Variants in LRP1B observed in about 807,000 individuals in gnomAD.
LRP1B encodes LDL receptor related protein 1B.
Under a neutral mutation model 556.6 loss-of-function variants are expected in LRP1B, and 217 were observed. That is an observed-to-expected ratio of 0.39 (90% confidence interval 0.35 to 0.44). The LOEUF (loss-of-function observed/expected upper bound fraction) is 0.44, where lower values mean the gene tolerates loss of function less well. LRP1B is among the 20% of genes least tolerant of loss of function. The pLI is 1.00. For synonymous variants in LRP1B, 2,047 were observed against 1,865.8 expected (o/e 1.10, Z -2.50); for missense variants, 5,053 against 5,620.8 (o/e 0.90, Z 3.23).
chr2:141,062,312 G>T (rs770774770), intron 7 of LRP1B, 39 bp from the exon 8 acceptor site: 1 of 1,432,870 alleles, frequency 7.0e-7, no homozygotes, highest in East Asian at 2.3e-5. Context: ...GGAGGGTGGG[G>T]GAGGGAAGCA....
At chr2:140,731,146 TACTG>T (rs776489341) in intron 35 of LRP1B, among the ~76,000 whole-genome samples, 1 of 152,216 alleles carries the variant, frequency 6.6e-6, no homozygotes, top group African/African-American at 2.4e-5. Context: ...CAGGAAACCT[TACTG>T]ACTATCACAG....
At chr2:141,409,342 T>C (rs1690762481) in intron 3 of LRP1B, among the ~76,000 whole-genome samples, 1 of 152,130 alleles carries the variant, frequency 6.6e-6, no homozygotes. Context: ...TCCATGGGCA[T>C]TTATATAATA....
At chr2:141,255,238 C>A (rs955112457) in intron 3 of LRP1B, among the ~76,000 whole-genome samples, 3 of 152,050 alleles carry the variant, frequency 2.0e-5, no homozygotes, top group Admixed American at 2.0e-4. Context: ...GATGAAGTGA[C>A]AGGAGCACAT....
At chr2:140,284,888 A>G (rs1230510000) in intron 84 of LRP1B, among the ~76,000 whole-genome samples, 1 of 137,578 alleles carries the variant, frequency 7.3e-6, no homozygotes, top group East Asian at 2.2e-4. Context: ...ATCTATATCT[A>G]TATATGGATA....
At chr2:141,047,116 A>C (rs2105442401) in intron 11 of LRP1B, among the ~76,000 whole-genome samples, 1 of 149,452 alleles carries the variant, frequency 6.7e-6, no homozygotes, top group Non-Finnish European at 1.5e-5. Context: ...AAAACAAAAC[A>C]ACGTAAATTT....
intron 1 of LRP1B, among the ~76,000 whole-genome samples, chr2:142,026,707 G>A (rs186874463): frequency 2.5e-4 from 38 of 152,070 alleles, no homozygotes; most frequent in Admixed American, 9.2e-4. Context: ...GGGGAACTTC[G>A]CTATCTATGA....
intron 86 of LRP1B, among the ~76,000 whole-genome samples, chr2:140,256,487 TAAGACAGA>T (rs1681693202): frequency 1.3e-5 from 1 of 79,308 alleles, no homozygotes; most frequent in Non-Finnish European, 2.3e-5. Context: ...TTTTTTTTTT[TAAGACAGA>T]GTCTTGCTTT....
intron 18 of LRP1B, among the ~76,000 whole-genome samples, chr2:140,976,503 C>CTTTTTTTTTTTTTTTT (rs1216208854): frequency 9.5e-6 from 1 of 105,356 alleles, no homozygotes; most frequent in Non-Finnish European, 1.9e-5. Context: ...TTTTTTTTTC[C>CTTTTTTTTTTTTTTTT]TTTTTTTTTT....
At chr2:140,857,464 A>G (rs1476367875) in intron 27 of LRP1B, among the ~76,000 whole-genome samples, 1 of 152,170 alleles carries the variant, frequency 6.6e-6, no homozygotes, top group Admixed American at 6.5e-5. Flanking sequence ...CTGAAATCCT[A>G]TTTTCCCTAT....
intron 79 of LRP1B, 135 bp from the exon 80 acceptor site, chr2:140,326,013 A>T: frequency 1.6e-6 from 1 of 612,494 alleles, no homozygotes; most frequent in Non-Finnish European, 2.9e-6. Context: ...GGTGCCCATC[A>T]TGAAACTGTA....
chr2:140,345,751 C>CAT (rs1163438134), intron 77 of LRP1B, among the ~76,000 whole-genome samples: 10 of 119,758 alleles, frequency 8.4e-5, no homozygotes, highest in African/African-American at 2.5e-4. Flanking sequence ...TATATATACA[C>CAT]ATATATACAT....
At chr2:141,906,263 CA>C (rs1203968555) in intron 1 of LRP1B, among the ~76,000 whole-genome samples, 9 of 148,634 alleles carry the variant, frequency 6.1e-5, no homozygotes, top group East Asian at 2.0e-4. Flanking sequence ...CAAAACAGAA[CA>C]AAAAAAAACA....
At chr2:141,664,609 C>T (rs1690350334) in intron 2 of LRP1B, among the ~76,000 whole-genome samples, 1 of 152,074 alleles carries the variant, frequency 6.6e-6, no homozygotes, top group African/African-American at 2.4e-5. Flanking sequence ...TTCACAATTG[C>T]TGCAAAGAGA....
intron 7 of LRP1B, among the ~76,000 whole-genome samples, chr2:141,100,191 C>A (rs1009063281): frequency 6.6e-6 from 1 of 152,154 alleles, no homozygotes; most frequent in African/African-American, 2.4e-5. Flanking sequence ...ACAAAGAAAT[C>A]CTTAGTACTA....
In LRP1B at chr2:141,050,357, C is replaced by T. The variant is rs184636115; in HGVS notation, c.1553-1135G>A. On this transcript the variant is annotated intron_variant, in intron 10 of 90. Transcript: ENST00000389484. ...TTTTTTAAAAATTTTACTTTAAGTT[C>T]TGGGTACATATGCAGAGTGTGCAGG... Among the ~76,000 whole-genome samples, 421 of 151,780 alleles carry T rather than the reference C, an allele frequency of 2.8e-3. 2 individuals carry two copies. Among genetic ancestry groups the T allele is most frequent in the Non-Finnish European group, 4.5e-3 (307 of 67,926 alleles).
chr2:140,365,923 T>C (rs1477253911), intron 71 of LRP1B, among the ~76,000 whole-genome samples: 1 of 151,742 alleles, frequency 6.6e-6, no homozygotes, highest in African/African-American at 2.4e-5. Context: ...TTGTTCCTTT[T>C]GCAGATGTAC....
Position 141,466,355 on chromosome 2 carries a change from T to C in LRP1B, c.343+14041A>G, listed in dbSNP as rs557920678. Among the ~76,000 whole-genome samples, 265 of 152,334 alleles carry C rather than the reference T, an allele frequency of 1.7e-3. 4 individuals are homozygous for C. Among genetic ancestry groups the C allele is most frequent in the African/African-American group, 6.2e-3 (258 of 41,592 alleles). ...TCAAGCATAGTAGGACTACAGCAGC[T>C]ACCTAGTGAGTAACTAACTGCTCTA... On this transcript the variant is annotated intron_variant, in intron 3 of 90. Coordinates refer to ENST00000389484, the MANE Select transcript of LRP1B (RefSeq NM_018557.3).
chr2:141,510,157 T>C (rs548467006), intron 2 of LRP1B, among the ~76,000 whole-genome samples: 1 of 146,524 alleles, frequency 6.8e-6, no homozygotes, highest in African/African-American at 2.5e-5. Flanking sequence ...AATTGCTTCA[T>C]TAAAAACATA....
intron 2 of LRP1B, among the ~76,000 whole-genome samples, chr2:141,539,917 C>T (rs954085471): frequency 3.9e-5 from 6 of 152,070 alleles, no homozygotes; most frequent in African/African-American, 1.4e-4. Context: ...ATTTAGTTTT[C>T]CACGTCCTAG....
Sources: allele counts gnomAD v4.1 joint callset (sites outside exome capture counted in the v4.1 genomes callset), GRCh38; gene constraint gnomAD v4.1.1; transcripts MANE v1.5; gene names NCBI Gene and HGNC (gene_info 2026-07-23, HGNC 2026-07-21).